CACNB4: variants seen among roughly 807,000 people sequenced by gnomAD.
CACNB4 encodes voltage-dependent L-type calcium channel subunit beta-4.
In CACNB4, 32 loss-of-function variants were observed where a neutral mutation model predicts 71.2. The ratio of observed to expected loss-of-function variants is 0.45; its 90% CI spans 0.34 to 0.60. The LOEUF (loss-of-function observed/expected upper bound fraction) is 0.60. Among genes scored for constraint, CACNB4 ranks in the 20% least tolerant of loss-of-function variants. CACNB4 has a pLI of 0.01. For missense variants in CACNB4, 464 were observed against 647.9 expected, an observed-to-expected ratio of 0.72 and a Z score of 3.08; for synonymous variants, 231 against 236.9, an observed-to-expected ratio of 0.97 and a Z score of 0.23.
intron 2 of CACNB4, among the ~76,000 whole-genome samples, chr2:151,885,656 T>C (rs2099849177): frequency 6.6e-6 from 1 of 152,242 alleles, no homozygotes; most frequent in African/African-American, 2.4e-5. Flanking sequence ...GAAGATGTAC[T>C]ATAAACCTGA....
chr2:151,926,139 G>A (rs2099860196), intron 2 of CACNB4, among the ~76,000 whole-genome samples: 1 of 152,146 alleles, frequency 6.6e-6, no homozygotes, highest in East Asian at 1.9e-4. Flanking sequence ...ATGTATATAG[G>A]CAGAAAGAGA....
At chr2:152,068,371 G>A (rs368301178) in intron 2 of CACNB4, among the ~76,000 whole-genome samples, 5 of 152,224 alleles carry the variant, frequency 3.3e-5, no homozygotes, top group African/African-American at 1.2e-4. Context: ...TAATCTCTTT[G>A]CCTCTGAGCC....
chr2:151,976,135 T>C (rs2099873749), intron 2 of CACNB4, among the ~76,000 whole-genome samples: 1 of 152,218 alleles, frequency 6.6e-6, no homozygotes, highest in Non-Finnish European at 1.5e-5. Flanking sequence ...CTGGATCACA[T>C]ATAGCAGCCT....
chr2:152,055,078 C>T lies in CACNB4; in HGVS notation c.147+43252G>A, dbSNP rs1226545170. On this transcript the variant is annotated intron_variant, in intron 2 of 13. Coordinates refer to ENST00000539935, the MANE Select transcript of CACNB4 (RefSeq NM_000726.5). ...CCAAGCTGCAATGCAGTGGCACAAT[C>T]TCAGCTCACCGTAACCGCTGCCTCC... is the stretch of plus-strand genomic sequence containing the variant. 2.6e-5 allele frequency among the ~76,000 whole-genome samples: 4 copies of T among 152,216 alleles called. No homozygotes were observed. In the East Asian group the frequency reaches 7.7e-4, roughly 29 times the overall value.
At chr2:151,975,305 A>G (rs930478588) in intron 2 of CACNB4, among the ~76,000 whole-genome samples, 5 of 152,202 alleles carry the variant, frequency 3.3e-5, no homozygotes, top group Admixed American at 2.0e-4. Context: ...CTGAGTCAAA[A>G]TAATAACACA....
At chr2:151,860,652 C>CA (rs2099841410) in intron 10 of CACNB4, 59 bp downstream of exon 10, 1 of 1,117,448 alleles carries the variant, frequency 8.9e-7, no homozygotes, top group African/African-American at 1.5e-5. Flanking sequence ...ACAAATGCAC[C>CA]ATGTGTCAGC....
At chr2:151,920,415 T>C (rs2099858712) in intron 2 of CACNB4, among the ~76,000 whole-genome samples, 1 of 149,758 alleles carries the variant, frequency 6.7e-6, no homozygotes, top group African/African-American at 2.4e-5. Context: ...CTCGACCTCT[T>C]GGGCTCAAGT....
chr2:151,908,341 T>C (rs2099855302), intron 2 of CACNB4, among the ~76,000 whole-genome samples: 1 of 152,206 alleles, frequency 6.6e-6, no homozygotes. Context: ...ATGCAGAGAC[T>C]ATTCTGAAGG....
intron 3 of CACNB4, among the ~76,000 whole-genome samples, chr2:151,882,828 C>T (rs1049212543): frequency 6.6e-6 from 1 of 152,238 alleles, no homozygotes; most frequent in South Asian, 2.1e-4. Flanking sequence ...AGGTGGGATA[C>T]TGAAAGCGAG....
At chr2:151,997,460 G>A (rs866119359) in intron 2 of CACNB4, among the ~76,000 whole-genome samples, 3 of 152,130 alleles carry the variant, frequency 2.0e-5, no homozygotes, top group South Asian at 4.1e-4. Context: ...CGTGAACCCA[G>A]GAGGCAGAGC....
intron 2 of CACNB4, chr2:151,968,877 TA>T (rs2099871814): frequency 1.3e-5 from 2 of 152,118 alleles, no homozygotes; most frequent in Non-Finnish European, 2.9e-5. Context: ...GACTCAAAAA[TA>T]GAAAATTAAC....
intron 2 of CACNB4, among the ~76,000 whole-genome samples, chr2:152,087,536 C>T (rs1184798951): frequency 1.3e-5 from 2 of 151,650 alleles, no homozygotes; most frequent in South Asian, 2.1e-4. Flanking sequence ...CTATTCAATA[C>T]TGTGACTGGA....
intron 12 of CACNB4, 125 bp downstream of exon 12, chr2:151,853,323 T>C: frequency 1.7e-6 from 1 of 590,408 alleles, no homozygotes; most frequent in Non-Finnish European, 2.9e-6. Context: ...TTCCAAGAAA[T>C]CTTTTAGATG....
intron 2 of CACNB4, among the ~76,000 whole-genome samples, chr2:151,940,447 T>G (rs2099863959): frequency 6.6e-6 from 1 of 152,232 alleles, no homozygotes; most frequent in African/African-American, 2.4e-5. Flanking sequence ...TTGCTAAAAC[T>G]GCTTCTCCAA....
At position 152,098,854 on chromosome 2, in the gene CACNB4, G is replaced by A; in HGVS notation, c.63+95C>T. On this transcript the variant is annotated intron_variant, in intron 1 of 13. Transcript: ENST00000539935. This position sits in a 1 kb window ranked among gnomAD's most constrained non-coding sequence, Gnocchi z 5.3. ...CGCCGACTCCCGGGACTGGGGCCCCGCACGCCCGGCACGAAGGCGGGGCGC... is the reference window on the plus strand; with the variant it reads ...CGCCGACTCCCGGGACTGGGGCCCCACACGCCCGGCACGAAGGCGGGGCGC... The A allele has an allele frequency of 9.1e-7, 1 of 1,102,262 alleles. No homozygotes were observed. 68.3% of individuals were successfully genotyped at this position (1,102,262 alleles called of 1,614,324 possible).
At chr2:151,917,819 A>G (rs1018792784) in intron 2 of CACNB4, among the ~76,000 whole-genome samples, 9 of 129,856 alleles carry the variant, frequency 6.9e-5, no homozygotes, top group Non-Finnish European at 1.4e-4. Context: ...TAGGCGACAA[A>G]GTGAGACACT....
chr2:151,873,250 T>TAGG (rs2099845090), intron 5 of CACNB4: 2 of 152,190 alleles, frequency 1.3e-5, no homozygotes, highest in African/African-American at 4.8e-5. Context: ...GACATATCAG[T>TAGG]ACAGGTTGAA....
intron 2 of CACNB4, among the ~76,000 whole-genome samples, chr2:151,923,883 C>T (rs1001915913): frequency 6.6e-6 from 1 of 152,008 alleles, no homozygotes; most frequent in Non-Finnish European, 1.5e-5. Context: ...AAAATTAAAG[C>T]AAGGTAATAC....
At chr2:152,074,611 A>T (rs576976925) in intron 2 of CACNB4, among the ~76,000 whole-genome samples, 6 of 111,822 alleles carry the variant, frequency 5.4e-5, no homozygotes, top group African/African-American at 2.4e-4. Context: ...CCTCTCCACC[A>T]TCACCATCAC....
Sources: gnomAD v4.1 joint callset for allele counts (sites outside exome capture counted in the v4.1 genomes callset) on GRCh38, gnomAD v4.1.1 for gene constraint, Gnocchi (gnomAD v3.1) non-coding constraint, MANE v1.5 for transcripts, NCBI Gene and HGNC (gene_info 2026-07-23, HGNC 2026-07-21) for gene names.